Variants in SPSB4 observed in about 807,000 individuals in gnomAD.
SPSB4 encodes SPRY domain-containing SOCS box protein 4.
A neutral mutation model predicts 20.9 loss-of-function variants in SPSB4; 21 were observed. The ratio of observed to expected loss-of-function variants is 1.01; its 90% confidence interval spans 0.71 to 1.45. SPSB4 has a LOEUF of 1.45. Ranked by LOEUF, SPSB4 falls within the 40% of genes most tolerant of loss-of-function variation. The probability of loss-of-function intolerance (pLI) is 0.00; values close to 1 mark genes in which losing one functional copy is unlikely to be tolerated. For synonymous variants in SPSB4, 207 were observed against 183.8 expected (o/e 1.13, Z -1.02); for missense variants, 399 against 399.2 (o/e 1.00, Z 0.00).
rs551144497 is a variant in SPSB4 at position 141,126,027 on chromosome 3, G to C, written c.695-21115G>C. 9.6e-4 allele frequency among the ~76,000 whole-genome samples: 146 copies of C among 152,214 alleles called. 3 individuals are homozygous for C. Among genetic ancestry groups the C allele is most frequent in the African/African-American group, 3.4e-3 (143 of 41,526 alleles). On this transcript the variant is annotated intron_variant, in intron 2 of 2. Coordinates refer to ENST00000310546, the MANE Select transcript of SPSB4 (RefSeq NM_080862.3). Reference sequence around the variant, plus strand: ...AGGTTTGAAAGACCTACCTGAGAAGGGGGTTCTGGTTACATCCTTGCCACC... The same window carrying C: ...AGGTTTGAAAGACCTACCTGAGAAGCGGGTTCTGGTTACATCCTTGCCACC...
At chr3:141,096,162 A>G (rs1435360787) in intron 2 of SPSB4, among the ~76,000 whole-genome samples, 1 of 152,134 alleles carries the variant, frequency 6.6e-6, no homozygotes, top group Non-Finnish European at 1.5e-5. Context: ...AGCCTTTTAT[A>G]TGCTTCCTTG....
intron 2 of SPSB4, among the ~76,000 whole-genome samples, chr3:141,101,836 C>A (rs1169630968): frequency 6.6e-6 from 1 of 152,208 alleles, no homozygotes; most frequent in East Asian, 1.9e-4. Flanking sequence ...AGGTTCTGCA[C>A]TATTCGTTTC....
intron 2 of SPSB4, among the ~76,000 whole-genome samples, chr3:141,134,548 C>T (rs548825289): frequency 4.9e-4 from 73 of 149,898 alleles, no homozygotes; most frequent in African/African-American, 1.4e-3. Context: ...GATTTTGTCA[C>T]GTTTTTTCTG....
At chr3:141,118,502 C>A (rs1163177451) in intron 2 of SPSB4, among the ~76,000 whole-genome samples, 2 of 152,104 alleles carry the variant, frequency 1.3e-5, no homozygotes, top group African/African-American at 4.8e-5. Context: ...TAATTAGACG[C>A]CATTTGTCTA....
intron 2 of SPSB4, among the ~76,000 whole-genome samples, chr3:141,146,725 G>C (rs1200521868): frequency 6.7e-6 from 1 of 149,774 alleles, no homozygotes; most frequent in Non-Finnish European, 1.5e-5. Context: ...AGTGAGCCCA[G>C]ATTGTGCCAC....
rs770771538 is a variant in SPSB4, at chr3:141,147,352, G to A, written c.*83G>A. 36 of 1,584,504 alleles carry A rather than the reference G, an allele frequency of 2.3e-5. 1 individual carries two copies. Among genetic ancestry groups the A allele is most frequent in the Admixed American group, 1.0e-4 (6 of 58,920 alleles). Reference sequence around the variant, plus strand: ...TCATTCACAGTCCCATGGCACATAGGGGAAAGGATCTACCCTTCTCCTGGC... The same window carrying A: ...TCATTCACAGTCCCATGGCACATAGAGGAAAGGATCTACCCTTCTCCTGGC... On this transcript the variant is annotated 3_prime_UTR_variant, in exon 3 of 3. Coordinates refer to ENST00000310546, the MANE Select transcript of SPSB4 (RefSeq NM_080862.3).
chr3:141,094,485 C>T (rs1244429829), intron 2 of SPSB4, among the ~76,000 whole-genome samples: 4 of 152,194 alleles, frequency 2.6e-5, no homozygotes, highest in African/African-American at 9.7e-5. Context: ...AGCTAGACAG[C>T]TGTTGCATGC....
intron 2 of SPSB4, among the ~76,000 whole-genome samples, chr3:141,136,804 G>T (rs150989598): frequency 0.027 from 4,178 of 152,282 alleles, 192 homozygotes; most frequent in African/African-American, 0.093. Context: ...GTTGGCTTAG[G>T]ATTGACTTGG....
intron 2 of SPSB4, among the ~76,000 whole-genome samples, chr3:141,108,645 G>C (rs548807494): frequency 6.6e-6 from 1 of 152,180 alleles, no homozygotes; most frequent in Non-Finnish European, 1.5e-5. Flanking sequence ...CTAGTTTATC[G>C]GGTAGCCACA....
chr3:141,114,406 C>T (rs931834137), intron 2 of SPSB4, among the ~76,000 whole-genome samples: 2 of 152,182 alleles, frequency 1.3e-5, no homozygotes, highest in African/African-American at 2.4e-5. Flanking sequence ...GGGTAATTGA[C>T]GAAACACGGT....
intron 2 of SPSB4, among the ~76,000 whole-genome samples, chr3:141,073,700 A>G (rs755139749): frequency 6.6e-6 from 1 of 152,192 alleles, no homozygotes. Context: ...GCCTCCCACC[A>G]ACTGAATAAG....
chr3:141,140,903 G>A (rs1175826506), intron 2 of SPSB4, among the ~76,000 whole-genome samples: 1 of 152,246 alleles, frequency 6.6e-6, no homozygotes. Flanking sequence ...GCTGTCTTTT[G>A]TTTGTCTGTG....
chr3:141,072,486 A>G (rs1938026046), intron 2 of SPSB4, among the ~76,000 whole-genome samples: 1 of 152,074 alleles, frequency 6.6e-6, no homozygotes, highest in Non-Finnish European at 1.5e-5. Flanking sequence ...CTATTAGTTC[A>G]TGTGGGAGCT....
intron 2 of SPSB4, among the ~76,000 whole-genome samples, chr3:141,086,326 G>A (rs1250679610): frequency 1.3e-5 from 2 of 152,194 alleles, no homozygotes; most frequent in Non-Finnish European, 2.9e-5. Flanking sequence ...GCAATTAGGT[G>A]CAGAGTTTAT....
intron 2 of SPSB4, chr3:141,117,095 C>T (rs1938890772): frequency 6.6e-6 from 1 of 152,332 alleles, no homozygotes; most frequent in South Asian, 2.1e-4. Context: ...CTCCCTACAC[C>T]AGCCGCCTAT....
At chr3:141,101,183 T>G (rs974457550) in intron 2 of SPSB4, among the ~76,000 whole-genome samples, 9 of 152,162 alleles carry the variant, frequency 5.9e-5, no homozygotes, top group African/African-American at 2.2e-4. Context: ...TGGGTGGAGC[T>G]TAGAGCCCAA....
chr3:141,147,646 C>T lies in SPSB4; in HGVS notation c.*377C>T, dbSNP rs1357177625. On this transcript the variant is annotated 3_prime_UTR_variant, in exon 3 of 3. Transcript: ENST00000310546. Reference sequence around the variant, plus strand: ...GCAGGAGACTTTCTATTGTGTGCCCCGTTGCAGACAGGGCCAGGGAGAAAT... The same window carrying T: ...GCAGGAGACTTTCTATTGTGTGCCCTGTTGCAGACAGGGCCAGGGAGAAAT... 5 of 182,780 alleles carry T rather than the reference C, an allele frequency of 2.7e-5. No homozygotes were observed. Among genetic ancestry groups the T allele is most frequent in the African/African-American group, 4.6e-5 (2 of 43,146 alleles). 11.3% of individuals were successfully genotyped at this position (182,780 alleles called of 1,614,324 possible).
intron 2 of SPSB4, among the ~76,000 whole-genome samples, chr3:141,144,423 CA>C (rs2107809412): frequency 6.6e-6 from 1 of 152,282 alleles, no homozygotes; most frequent in South Asian, 2.1e-4. Context: ...CTTTCCTATC[CA>C]GGTGATTATT....
chr3:141,101,375 A>C (rs1038401290), intron 2 of SPSB4, among the ~76,000 whole-genome samples: 4 of 152,182 alleles, frequency 2.6e-5, no homozygotes, highest in Non-Finnish European at 5.9e-5. Context: ...TTTCCATGAT[A>C]GCACTTTTGT....
Sources: gnomAD v4.1 joint callset for allele counts (sites outside exome capture counted in the v4.1 genomes callset) on GRCh38, gnomAD v4.1.1 for gene constraint, MANE v1.5 for transcripts, NCBI Gene and HGNC (gene_info 2026-07-23, HGNC 2026-07-21) for gene names.